The following RP1 variants were observed in gnomAD, a reference collection of about 807,000 sequenced individuals.
The protein encoded by RP1 is RP1 axonemal microtubule associated, also known as oxygen-regulated protein 1.
RP1 carries 16 observed loss-of-function variants against 14.8 expected under a neutral mutation model. The ratio of observed to expected loss-of-function variants is 1.08; its 90% CI spans 0.73 to 1.65. The LOEUF (loss-of-function observed/expected upper bound fraction) is 1.65. Ranked by LOEUF, RP1 falls within the 40% of genes most tolerant of loss-of-function variation. RP1 has a pLI of 0.00. For missense variants in RP1, 2,631 were observed against 2,535.0 expected (o/e 1.04, Z -0.81); for synonymous variants, 876 against 883.6 (o/e 0.99, Z 0.15).
intron 12 of RP1, among the ~76,000 whole-genome samples, chr8:54,695,373 C>T (rs890003627): frequency 2.0e-5 from 3 of 151,840 alleles, no homozygotes; most frequent in Admixed American, 6.6e-5. Context: ...GATAAATAGC[C>T]ATCTCTTCAT....
intron 24 of RP1, among the ~76,000 whole-genome samples, chr8:54,812,306 G>A (rs1811018092): frequency 1.3e-5 from 2 of 152,216 alleles, no homozygotes; most frequent in South Asian, 4.1e-4. Context: ...ATGCCTGGCT[G>A]ATTTTTGTAT....
intron 1 of RP1, among the ~76,000 whole-genome samples, chr8:54,600,311 C>T (rs1805245989): frequency 6.6e-6 from 1 of 152,178 alleles, no homozygotes; most frequent in African/African-American, 2.4e-5. Context: ...CCTGCCCAGC[C>T]ATGTAGAACT....
chr8:54,581,127 G>A (rs1463700279), intron 1 of RP1, among the ~76,000 whole-genome samples: 2 of 151,830 alleles, frequency 1.3e-5, no homozygotes, highest in African/African-American at 4.8e-5. Flanking sequence ...TTAGCATTAG[G>A]TATATCTCCT....
downstream of RP1, among the ~76,000 whole-genome samples, chr8:54,634,137 A>G: frequency 6.6e-6 from 1 of 152,132 alleles, no homozygotes. Flanking sequence ...AGTACTTACC[A>G]TTTTTCCTAC....
intron 5 of RP1, among the ~76,000 whole-genome samples, chr8:54,655,062 A>G (rs966995874): frequency 1.3e-5 from 2 of 152,362 alleles, no homozygotes; most frequent in East Asian, 3.9e-4. Flanking sequence ...ACCTCACTGA[A>G]GCTTTATTTC....
intron 7 of RP1, among the ~76,000 whole-genome samples, chr8:54,670,671 TTATATATATATATA>T (rs375877155): frequency 1.4e-4 from 9 of 62,546 alleles, no homozygotes; most frequent in South Asian, 5.3e-4. Flanking sequence ...ATATATGTTT[TTATATATATATATA>T]TATATATATA....
At chr8:54,592,673 A>G (rs571608351) in intron 1 of RP1, among the ~76,000 whole-genome samples, 1 of 152,180 alleles carries the variant, frequency 6.6e-6, no homozygotes, top group Admixed American at 6.6e-5. Context: ...TTTTTCTTAT[A>G]TAACAGGAAG....
intron 3 of RP1, among the ~76,000 whole-genome samples, chr8:54,640,697 C>G (rs1455038647): frequency 6.6e-6 from 1 of 152,114 alleles, no homozygotes; most frequent in Non-Finnish European, 1.5e-5. Flanking sequence ...GTAAAGCAGT[C>G]CATCATTACC....
intron 25 of RP1, among the ~76,000 whole-genome samples, chr8:54,845,203 G>A (rs1407816845): frequency 6.6e-6 from 1 of 152,216 alleles, no homozygotes; most frequent in Admixed American, 6.5e-5. Context: ...TCGGGGAGGA[G>A]CACTTTGGGG....
chr8:54,789,698 C>A (rs1308353450), intron 24 of RP1, among the ~76,000 whole-genome samples: 1 of 152,176 alleles, frequency 6.6e-6, no homozygotes, highest in South Asian at 2.1e-4. Context: ...GGAGTCCAGA[C>A]AGCAAACCCA....
At chr8:54,817,546 G>A (rs1351424502) in intron 24 of RP1, among the ~76,000 whole-genome samples, 1 of 152,216 alleles carries the variant, frequency 6.6e-6, no homozygotes, top group East Asian at 1.9e-4. Flanking sequence ...TGGAGTCAGA[G>A]TAATGGTGGC....
chr8:54,863,046 T>C (rs1425055323), intron 27 of RP1, among the ~76,000 whole-genome samples: 3 of 98,788 alleles, frequency 3.0e-5, no homozygotes, highest in Non-Finnish European at 6.5e-5. Context: ...TCCAAATGGA[T>C]ATATATATAT....
chr8:54,870,096 T>G (rs1812554880), exon 29 of RP1: 3 of 394,834 alleles, frequency 7.6e-6, no homozygotes, highest in Non-Finnish European at 8.8e-6. Context: ...CTTCCAAAAT[T>G]GGGAGGATGC....
chr8:54,635,689 G>A (rs115261715), downstream of RP1, among the ~76,000 whole-genome samples: 1,167 of 152,106 alleles, frequency 7.7e-3, 20 homozygotes, highest in African/African-American at 0.027. Flanking sequence ...GTTGTTTGCC[G>A]TATGGCTTAT....
intron 24 of RP1, among the ~76,000 whole-genome samples, chr8:54,837,194 A>G (rs1035855158): frequency 4.6e-5 from 7 of 152,224 alleles, no homozygotes; most frequent in Non-Finnish European, 7.3e-5. Context: ...ATATTGCAAG[A>G]TAGTAATGGT....
At chr8:54,719,786 TAAAAG>T (rs1404923403) in intron 15 of RP1, among the ~76,000 whole-genome samples, 1 of 152,214 alleles carries the variant, frequency 6.6e-6, no homozygotes, top group East Asian at 1.9e-4. Flanking sequence ...GAGTATTTTC[TAAAAG>T]AAAAGTTCCA....
At chr8:54,672,473 T>A (rs1238520999) in intron 7 of RP1, among the ~76,000 whole-genome samples, 1 of 152,208 alleles carries the variant, frequency 6.6e-6, no homozygotes, top group East Asian at 1.9e-4. Context: ...GCCTTGGTGC[T>A]GCATCTCTTA....
chr8:54,809,540 A>G (rs970015907), intron 24 of RP1, among the ~76,000 whole-genome samples: 1 of 152,214 alleles, frequency 6.6e-6, no homozygotes, highest in Non-Finnish European at 1.5e-5. Flanking sequence ...TTAAATTCAA[A>G]CAAATTCTCT....
At chr8:54,621,604 G>A in intron 2 of RP1, 23 bp downstream of exon 2, 1 of 1,613,788 alleles carries the variant, frequency 6.2e-7, no homozygotes, top group Non-Finnish European at 8.5e-7. Context: ...GGGGCTCCTC[G>A]AGCCTGAGCT....
Sources: gnomAD v4.1 joint callset for allele counts (sites outside exome capture counted in the v4.1 genomes callset) on GRCh38, gnomAD v4.1.1 for gene constraint, MANE v1.5 for transcripts, NCBI Gene and HGNC (gene_info 2026-07-23, HGNC 2026-07-21) for gene names.